Variants in KIF26B observed in about 807,000 individuals in gnomAD.
KIF26B encodes the protein kinesin family member 26B.
In KIF26B, 63 loss-of-function variants were observed where a neutral mutation model predicts 151.2. The observed-to-expected ratio is 0.42, with a 90% CI of 0.34 to 0.51. The LOEUF (loss-of-function observed/expected upper bound fraction) is 0.51. Ranked by LOEUF, KIF26B falls within the 20% of genes least tolerant of loss-of-function variation. The pLI, the probability that KIF26B is intolerant of heterozygous loss-of-function variation, is 0.07. For missense variants in KIF26B, 2,813 were observed against 2,913.6 expected, an observed-to-expected ratio of 0.97 and a Z score of 0.79; for synonymous variants, 1,357 against 1,262.1, an observed-to-expected ratio of 1.08 and a Z score of -1.59.
At chr1:245,552,991 C>T (rs1378826725) in intron 5 of KIF26B, among the ~76,000 whole-genome samples, 3 of 152,178 alleles carry the variant, frequency 2.0e-5, no homozygotes, top group Non-Finnish European at 4.4e-5. Flanking sequence ...GATGAGAACA[C>T]TGAGATTCAG....
intron 4 of KIF26B, among the ~76,000 whole-genome samples, chr1:245,449,100 G>T (rs1283798724): frequency 6.6e-6 from 1 of 152,206 alleles, no homozygotes; most frequent in Non-Finnish European, 1.5e-5. Flanking sequence ...AGAATAACAT[G>T]ATGTGGATTT....
intron 2 of KIF26B, among the ~76,000 whole-genome samples, chr1:245,172,786 G>A (rs1306437122): frequency 6.6e-6 from 1 of 152,106 alleles, no homozygotes; most frequent in Non-Finnish European, 1.5e-5. Flanking sequence ...CTCCAGCCTG[G>A]GTGACAGAGC....
At chr1:245,574,226 C>T (rs1170537438) in intron 5 of KIF26B, among the ~76,000 whole-genome samples, 2 of 152,192 alleles carry the variant, frequency 1.3e-5, no homozygotes, top group African/African-American at 4.8e-5. Context: ...TCACTGCAAA[C>T]TCCACCTCCC....
chr1:245,277,373 C>T (rs1280317188), intron 2 of KIF26B, among the ~76,000 whole-genome samples: 1 of 152,180 alleles, frequency 6.6e-6, no homozygotes, highest in East Asian at 1.9e-4. Flanking sequence ...CCTGTATCTA[C>T]GGCTGTTATC....
rs577873363 is a variant in KIF26B at position 245,340,364 on chromosome 1, A to G, written c.466-26470A>G. 2.9e-3 allele frequency among the ~76,000 whole-genome samples: 421 copies of G among 144,728 alleles called. 1 individual carries two copies. Among genetic ancestry groups the G allele is most frequent in the African/African-American group, 9.9e-3 (392 of 39,728 alleles). 94.9% of individuals were successfully genotyped at this position (144,728 alleles called of 152,430 possible). A position where few individuals can be genotyped will look rare whatever the true frequency, so the allele number is the denominator to read the frequency against. On this transcript the variant is annotated intron_variant, in intron 2 of 14. Coordinates refer to ENST00000407071, the MANE Select transcript of KIF26B (RefSeq NM_018012.4). ...TTGAGGAATAATGACAAGGAAAAAAACTCTGTACGTGTTAAGTACAGACGC... is the reference window on the plus strand; with the variant it reads ...TTGAGGAATAATGACAAGGAAAAAAGCTCTGTACGTGTTAAGTACAGACGC...
chr1:245,427,061 G>A (rs1658665117), intron 4 of KIF26B, among the ~76,000 whole-genome samples: 1 of 152,202 alleles, frequency 6.6e-6, no homozygotes, highest in South Asian at 2.1e-4. Flanking sequence ...GTCAGGTACA[G>A]TTCCCTTTAG....
chr1:245,535,089 A>G (rs1427298727), intron 4 of KIF26B, among the ~76,000 whole-genome samples: 2 of 152,100 alleles, frequency 1.3e-5, no homozygotes, highest in Non-Finnish European at 2.9e-5. Flanking sequence ...GGCCGTCTTT[A>G]CCTTTTCAAT....
chr1:245,268,746 T>G (rs1387421592), intron 2 of KIF26B, among the ~76,000 whole-genome samples: 3 of 152,104 alleles, frequency 2.0e-5, no homozygotes, highest in African/African-American at 4.8e-5. Flanking sequence ...TCATCCCTGG[T>G]TAAATATTTT....
rs1167491290 is a variant in KIF26B at position 245,597,284 on chromosome 1, T to C, written c.1351-5293T>C. Among the ~76,000 whole-genome samples, 1 of 152,208 alleles carries C rather than the reference T, an allele frequency of 6.6e-6. No homozygotes were observed. The highest frequency in any genetic ancestry group is 1.5e-5 in the Non-Finnish European group (1 of 68,042). On this transcript the variant is annotated intron_variant, in intron 5 of 14. Transcript: ENST00000407071. This position sits in a 1 kb window ranked among gnomAD's most constrained non-coding sequence, Gnocchi z 4.6. Reference sequence around the variant, plus strand: ...GGCTGGTACCAGTTGATCCTTTCCATGTTTAGTGCTTCCTTCAGGAGCTCT... The same window carrying C: ...GGCTGGTACCAGTTGATCCTTTCCACGTTTAGTGCTTCCTTCAGGAGCTCT...
intron 2 of KIF26B, among the ~76,000 whole-genome samples, chr1:245,311,304 C>T (rs930587503): frequency 1.3e-5 from 2 of 152,076 alleles, no homozygotes; most frequent in Non-Finnish European, 2.9e-5. Context: ...TCTGCAGGGT[C>T]GTTGTCACAG....
intron 2 of KIF26B, among the ~76,000 whole-genome samples, chr1:245,274,220 T>C (rs1337829592): frequency 6.6e-6 from 1 of 152,220 alleles, no homozygotes; most frequent in Non-Finnish European, 1.5e-5. Flanking sequence ...TTATTTTTTA[T>C]ACTTTTGTCT....
intron 2 of KIF26B, among the ~76,000 whole-genome samples, chr1:245,341,960 A>T (rs1672343091): frequency 6.6e-6 from 1 of 151,996 alleles, no homozygotes; most frequent in South Asian, 2.1e-4. Flanking sequence ...AGGGATGTTG[A>T]TTTTCTTTTC....
intron 9 of KIF26B, among the ~76,000 whole-genome samples, chr1:245,641,496 G>A (rs995912790): frequency 6.6e-6 from 1 of 151,784 alleles, no homozygotes; most frequent in Admixed American, 6.6e-5. Context: ...TGGTCCATAG[G>A]TCCCATAAGC....
intron 2 of KIF26B, among the ~76,000 whole-genome samples, chr1:245,309,803 G>A (rs986254254): frequency 1.1e-4 from 16 of 146,680 alleles, no homozygotes; most frequent in South Asian, 4.2e-4. Context: ...GAGAGGCCGC[G>A]TGGTCTTAGG....
intron 5 of KIF26B, among the ~76,000 whole-genome samples, chr1:245,583,031 A>C (rs2043191194): frequency 6.6e-6 from 1 of 151,618 alleles, no homozygotes; most frequent in Non-Finnish European, 1.5e-5. Context: ...ACCACCCCCT[A>C]CTCACCCCCT....
intron 10 of KIF26B, among the ~76,000 whole-genome samples, chr1:245,668,070 A>AT (rs1288889940): frequency 6.6e-6 from 1 of 151,982 alleles, no homozygotes; most frequent in African/African-American, 2.4e-5. Context: ...TAATTTTTGT[A>AT]TTTTTAGTAG....
intron 9 of KIF26B, among the ~76,000 whole-genome samples, chr1:245,635,590 AT>A (rs2043826260): frequency 1.3e-5 from 2 of 149,826 alleles, no homozygotes; most frequent in African/African-American, 4.9e-5. Flanking sequence ...ACTTTTCTCC[AT>A]TGTTTTTGGT....
In KIF26B at chr1:245,225,959, T is replaced by G. The variant is rs145074096; in HGVS notation, c.465+69276T>G. Reference sequence around the variant, plus strand: ...GAACAAACTCTTGGCAAATTTGTTTTGCGTTTCACTGAGCACATCATGTTA... The same window carrying G: ...GAACAAACTCTTGGCAAATTTGTTTGGCGTTTCACTGAGCACATCATGTTA... On this transcript the variant is annotated intron_variant, in intron 2 of 14. Coordinates refer to ENST00000407071, the MANE Select transcript of KIF26B (RefSeq NM_018012.4). 2.6e-5 allele frequency: 4 copies of G among 152,344 alleles called. No homozygotes were observed. In the East Asian group the frequency reaches 7.7e-4, roughly 29 times the overall value. The allele number at this position is 152,344 out of a possible 1,614,324, so 9.4% of individuals were successfully genotyped here. A position where few individuals can be genotyped will look rare whatever the true frequency, so the allele number is the denominator to read the frequency against.
intron 2 of KIF26B, among the ~76,000 whole-genome samples, chr1:245,319,181 C>A (rs4658750): frequency 0.33 from 49,961 of 152,194 alleles, 11,654 homozygotes; most frequent in African/African-American, 0.65. Context: ...ATATGTGTAG[C>A]ATGTGTCCAG....
Sources: gnomAD v4.1 joint callset for allele counts (sites outside exome capture counted in the v4.1 genomes callset) on GRCh38, gnomAD v4.1.1 for gene constraint, Gnocchi (gnomAD v3.1) non-coding constraint, MANE v1.5 for transcripts, NCBI Gene and HGNC (gene_info 2026-07-23, HGNC 2026-07-21) for gene names.